TMEM151B: variants seen among roughly 807,000 people sequenced by gnomAD.
The protein encoded by TMEM151B is transmembrane protein 151B, also known as transmembrane protein 193.
Under a neutral mutation model 33.0 loss-of-function variants are expected in TMEM151B, and 18 were observed. The ratio of observed to expected loss-of-function variants is 0.55; its 90% CI spans 0.38 to 0.81. TMEM151B has a LOEUF of 0.81. Ranked by LOEUF, TMEM151B falls within the 30% of genes least tolerant of loss-of-function variation. The pLI is 0.00. For missense variants in TMEM151B, 672 were observed against 843.4 expected, an observed-to-expected ratio of 0.80 and a Z score of 2.52; for synonymous variants, 354 against 373.6, an observed-to-expected ratio of 0.95 and a Z score of 0.61.
chr6:44,276,218 TG>T lies in TMEM151B; in HGVS notation c.1397del (p.Gly466AlafsTer97). The T allele has an allele frequency of 1.6e-6, 2 of 1,288,732 alleles. No individual in the cohort carries two copies. Among genetic ancestry groups the T allele is most frequent in the Non-Finnish European group, 2.0e-6 (2 of 1,021,906 alleles). 79.8% of individuals were successfully genotyped at this position (1,288,732 alleles called of 1,614,324 possible). A position where few individuals can be genotyped will look rare whatever the true frequency, so the allele number is the denominator to read the frequency against. On this transcript the variant is annotated frameshift_variant, in exon 3 of 3. Coordinates refer to ENST00000451188, the MANE Select transcript of TMEM151B (RefSeq NM_001137560.2). LOFTEE classifies it low-confidence loss of function (END_TRUNC). ...ASPRAGPGPG[G>X]GAGCGGSRFS... ...GCCCGCGGGCCGGCCCGGGGCCCGG[TG>T]GGGGCGCGGGCTGCGGGGGCAGCCG...
In TMEM151B at chr6:44,270,828, C is replaced by T. The variant is rs1782297729; in HGVS notation, c.86C>T (p.Thr29Met). 3.6e-6 allele frequency: 4 copies of T among 1,118,400 alleles called. No individual in the cohort carries two copies. Among genetic ancestry groups the T allele is most frequent in the Admixed American group, 5.1e-5 (1 of 19,794 alleles). The allele number at this position is 1,118,400 out of a possible 1,614,324, so 69.3% of individuals were successfully genotyped here. A position where few individuals can be genotyped will look rare whatever the true frequency, so the allele number is the denominator to read the frequency against. ...GGGPGVSEEL[T>M]AAAAAAAADE... is the part of the protein sequence containing the mutation. ...GGCCCCGGGGTCTCGGAGGAGCTCA[C>T]GGCGGCGGCGGCAGCGGCGGCGGCG... The change falls in exon 1 of 3, where the codon ACG becomes ATG. Residue 29 changes from threonine to methionine, a missense_variant. Transcript: ENST00000451188.
intron 1 of TMEM151B, among the ~76,000 whole-genome samples, chr6:44,272,404 C>T (rs1017435644): frequency 2.0e-5 from 3 of 152,112 alleles, no homozygotes; most frequent in Non-Finnish European, 2.9e-5. Context: ...GGGTCCAGAA[C>T]ATGGGGAATG....
Position 44,275,987 on chromosome 6 carries a change from C to T in TMEM151B, c.1161C>T (p.Tyr387=). The part of the protein sequence containing the change: ...IRSNQQLVPS[Y]SEAVLMDLAG... ...CCAACCAGCAGCTGGTGCCCAGCTA[C>T]TCTGAGGCGGTGCTCATGGACCTGG... Residue 387 remains tyrosine (Y), a synonymous_variant, in exon 3 of 3, where the codon TAC becomes TAT. Coordinates refer to ENST00000451188, the MANE Select transcript of TMEM151B (RefSeq NM_001137560.2). 6.9e-7 allele frequency: 1 copy of T among 1,439,768 alleles called. No individual in the cohort carries two copies. Among genetic ancestry groups the T allele is most frequent in the Non-Finnish European group, 9.1e-7 (1 of 1,095,786 alleles). The allele number at this position is 1,439,768 out of a possible 1,614,324, so 89.2% of individuals were successfully genotyped here.
chr6:44,276,132 TG>T lies in TMEM151B; in HGVS notation c.1307del (p.Cys436SerfsTer16). ...TCCCTACCGGCGCAGCTGCGAGCACTGCCAGCGCGCCGTCAGCAGCTCGTCT... is the reference window on the plus strand; with the variant it reads ...TCCCTACCGGCGCAGCTGCGAGCACTCCAGCGCGCCGTCAGCAGCTCGTCT... ...VAPYRRSCEH[C>X]QRAVSSSSIF... On this transcript the variant is annotated frameshift_variant, in exon 3 of 3. Coordinates refer to ENST00000451188, the MANE Select transcript of TMEM151B (RefSeq NM_001137560.2). LOFTEE classifies it low-confidence loss of function (END_TRUNC). 7.6e-7 allele frequency: 1 copy of T among 1,317,384 alleles called. No homozygotes were observed. The highest frequency in any genetic ancestry group is 2.3e-5 in the South Asian group (1 of 43,670). The allele number at this position is 1,317,384 out of a possible 1,614,324, so 81.6% of individuals were successfully genotyped here.
chr6:44,273,031 C>T, intron 1 of TMEM151B, 35 bp from the exon 2 acceptor site: 1 of 1,462,916 alleles, frequency 6.8e-7, no homozygotes, highest in Non-Finnish European at 9.1e-7. Context: ...TCACTTCCCA[C>T]TCATCTTGGC....
chr6:44,275,679 G>T lies in TMEM151B; in HGVS notation c.853G>T (p.Val285Leu). 1 of 1,551,084 alleles carries T rather than the reference G, an allele frequency of 6.4e-7. No homozygotes were observed. The highest frequency in any genetic ancestry group is 8.7e-7 in the Non-Finnish European group (1 of 1,146,702). Residue 285 changes from valine to leucine, a missense_variant, in exon 3 of 3, where the codon GTG becomes TTG. Coordinates refer to ENST00000451188, the MANE Select transcript of TMEM151B (RefSeq NM_001137560.2). ...GAACGTGGACTTCCGTGAGTTCATG[G>T]TGGCCTTCCCGGACCCGGCCCGGCC... ...LKNVDFREFM[V>L]AFPDPARPPW...
chr6:44,276,598 C>G lies in TMEM151B; in HGVS notation c.*71C>G. 1 of 1,299,332 alleles carries G rather than the reference C, an allele frequency of 7.7e-7. No homozygotes were observed. The highest frequency in any genetic ancestry group is 2.2e-4 in the Middle Eastern group (1 of 4,468). 80.5% of individuals were successfully genotyped at this position (1,299,332 alleles called of 1,614,324 possible). A position where few individuals can be genotyped will look rare whatever the true frequency, so the allele number is the denominator to read the frequency against. On this transcript the variant is annotated 3_prime_UTR_variant, in exon 3 of 3. Transcript: ENST00000451188. ...GCCGGACTGTGCTCCCTCTGCGACGCAGGGCGAGTCACCACGGTGACTGAG... is the reference window on the plus strand; with the variant it reads ...GCCGGACTGTGCTCCCTCTGCGACGGAGGGCGAGTCACCACGGTGACTGAG...
rs1782445723 is a variant in TMEM151B, at chr6:44,273,478, G to A, written c.548G>A (p.Arg183His). ...VRRTRQVTRY[R>H]NGDAYTTTQV... ...CGCACCCGCCAGGTCACCAGATACC[G>A]CAATGGAGACGCCTATACCACCACC... The change falls in exon 2 of 3, where the codon CGC becomes CAC. Residue 183 changes from arginine to histidine, a missense_variant. This residue lies in a region of TMEM151B where 285 missense variants were observed against 423.1 expected (regional missense o/e 0.67). Transcript: ENST00000451188. The A allele has an allele frequency of 5.2e-6, 8 of 1,549,828 alleles. No individual in the cohort carries two copies. Among genetic ancestry groups the A allele is most frequent in the Non-Finnish European group, 6.1e-6 (7 of 1,146,110 alleles).
chr6:44,277,156 C>T lies in TMEM151B; in HGVS notation c.*629C>T, dbSNP rs1782625499. ...AGATTGGGGTTTCCTTTCTGCCGCT[C>T]CCTCCACTGTTGTTTATCTAACTGG... On this transcript the variant is annotated 3_prime_UTR_variant, in exon 3 of 3. Coordinates refer to ENST00000451188, the MANE Select transcript of TMEM151B (RefSeq NM_001137560.2). 1 of 152,506 alleles carries T rather than the reference C, an allele frequency of 6.6e-6. No individual in the cohort carries two copies. The highest frequency in any genetic ancestry group is 1.5e-5 in the Non-Finnish European group (1 of 68,256). The allele number at this position is 152,506 out of a possible 1,614,324, so 9.4% of individuals were successfully genotyped here.
chr6:44,276,261 C>T lies in TMEM151B; in HGVS notation c.1435C>T (p.Leu479Phe). Reference sequence around the variant, plus strand: ...GGGCAGCCGCTTCTCGCTGGGCCGTCTCTACGGCTCCCGGCGCAGCTGCCT... The same window carrying T: ...GGGCAGCCGCTTCTCGCTGGGCCGTTTCTACGGCTCCCGGCGCAGCTGCCT... ...CGGSRFSLGRLYGSRRSCLWR... is the reference protein window; with the variant it reads ...CGGSRFSLGRFYGSRRSCLWR... Residue 479 changes from leucine to phenylalanine, a missense_variant, in exon 3 of 3, where the codon CTC becomes TTC. Coordinates refer to ENST00000451188, the MANE Select transcript of TMEM151B (RefSeq NM_001137560.2). The T allele has an allele frequency of 7.5e-7, 1 of 1,333,704 alleles. No individual in the cohort carries two copies. Among genetic ancestry groups the T allele is most frequent in the Non-Finnish European group, 9.6e-7 (1 of 1,045,438 alleles). The allele number at this position is 1,333,704 out of a possible 1,614,324, so 82.6% of individuals were successfully genotyped here.
chr6:44,273,128 C>T lies in TMEM151B; in HGVS notation c.198C>T (p.Leu66=). Residue 66 remains leucine, a synonymous_variant, in exon 2 of 3, where the codon CTC becomes CTT. Coordinates refer to ENST00000451188, the MANE Select transcript of TMEM151B (RefSeq NM_001137560.2). ...SLCRESHWKC[L]LLSLLMYGCL... ...GCCGTGAGTCCCACTGGAAGTGCCT[C>T]CTGCTCTCGCTGCTCATGTACGGCT... 2 of 1,531,002 alleles carry T rather than the reference C, an allele frequency of 1.3e-6. No homozygotes were observed. Among genetic ancestry groups the T allele is most frequent in the Middle Eastern group, 1.7e-4 (1 of 5,930 alleles). The allele number at this position is 1,531,002 out of a possible 1,614,324, so 94.8% of individuals were successfully genotyped here.
At position 44,278,670 on chromosome 6, in the gene TMEM151B, T is replaced by C. The variant is rs1782686143; in HGVS notation, c.*2143T>C. The C allele has an allele frequency of 6.6e-6, 1 of 152,212 alleles. No homozygotes were observed. The highest frequency in any genetic ancestry group is 1.5e-5 in the Non-Finnish European group (1 of 68,038). The allele number at this position is 152,212 out of a possible 1,614,324, so 9.4% of individuals were successfully genotyped here. A position where few individuals can be genotyped will look rare whatever the true frequency, so the allele number is the denominator to read the frequency against. On this transcript the variant is annotated 3_prime_UTR_variant, in exon 3 of 3. Coordinates refer to ENST00000451188, the MANE Select transcript of TMEM151B (RefSeq NM_001137560.2). ...TATTTTTGCCTGTATTGACCATTTC[T>C]GCCTAGGTCGTCTCAGACAGCCTCA...
Position 44,276,287 on chromosome 6 carries a change from G to T in TMEM151B, c.1461G>T (p.Leu487=), listed in dbSNP as rs1428075436. 7.1e-7 allele frequency: 1 copy of T among 1,403,458 alleles called. No individual in the cohort carries two copies. The highest frequency in any genetic ancestry group is 1.5e-5 in the African/African-American group (1 of 66,944). 86.9% of individuals were successfully genotyped at this position (1,403,458 alleles called of 1,614,324 possible). ...GRLYGSRRSC[L]WRSRSGSVNE... ...TCTACGGCTCCCGGCGCAGCTGCCT[G>T]TGGCGCAGCCGCAGCGGGAGCGTCA... The change falls in exon 3 of 3, where the codon CTG becomes CTT. Residue 487 remains leucine, a synonymous_variant. Coordinates refer to ENST00000451188, the MANE Select transcript of TMEM151B (RefSeq NM_001137560.2).
chr6:44,275,495 G>A lies in TMEM151B; in HGVS notation c.669G>A (p.Gly223=). The A allele has an allele frequency of 1.9e-6, 3 of 1,549,636 alleles. No homozygotes were observed. Among genetic ancestry groups the A allele is most frequent in the Non-Finnish European group, 2.6e-6 (3 of 1,146,272 alleles). ...GCGACGTGTCCAAGACGCTGGTGGG[G>A]CTGGAGGGCGCGCCGGCCACGCGGC... ...GVRDVSKTLV[G]LEGAPATRLR... Residue 223 remains glycine, a synonymous_variant, in exon 3 of 3, where the codon GGG becomes GGA. Coordinates refer to ENST00000451188, the MANE Select transcript of TMEM151B (RefSeq NM_001137560.2).
At position 44,276,027 on chromosome 6, in the gene TMEM151B, C is replaced by G; in HGVS notation, c.1201C>G (p.Arg401Gly). The G allele has an allele frequency of 7.4e-7, 1 of 1,351,690 alleles. No homozygotes were observed. The highest frequency in any genetic ancestry group is 3.8e-5 in the Admixed American group (1 of 26,048). The allele number at this position is 1,351,690 out of a possible 1,614,324, so 83.7% of individuals were successfully genotyped here. A position where few individuals can be genotyped will look rare whatever the true frequency, so the allele number is the denominator to read the frequency against. Residue 401 changes from arginine (R) to glycine (G), a missense_variant, in exon 3 of 3, where the codon CGC (arginine) becomes GGC (glycine). By Grantham distance (125) the Arg-to-Gly change is moderately radical (BLOSUM62 -2). Around this residue, in one of 3 missense-constraint regions of TMEM151B, gnomAD observed 324 missense variants for 363.1 expected, o/e 0.89. Transcript: ENST00000451188. ...CATGGACCTGGCGGGGCTCGGGACGCGCTGCGGCGGGGCAGGCGGCGGCTA... is the reference window on the plus strand; with the variant it reads ...CATGGACCTGGCGGGGCTCGGGACGGGCTGCGGCGGGGCAGGCGGCGGCTA... ...VLMDLAGLGT[R>G]CGGAGGGYAP...
At position 44,276,143 on chromosome 6, in the gene TMEM151B, C is replaced by A. The variant is rs1192176408; in HGVS notation, c.1317C>A (p.Ala439=). The change falls in exon 3 of 3, where the codon GCC becomes GCA. Residue 439 remains alanine, a synonymous_variant. Coordinates refer to ENST00000451188, the MANE Select transcript of TMEM151B (RefSeq NM_001137560.2). ...GCAGCTGCGAGCACTGCCAGCGCGCCGTCAGCAGCTCGTCTATCTTCTCGC... is the reference window on the plus strand; with the variant it reads ...GCAGCTGCGAGCACTGCCAGCGCGCAGTCAGCAGCTCGTCTATCTTCTCGC... ...YRRSCEHCQR[A]VSSSSIFSRS... 1.5e-6 allele frequency: 2 copies of A among 1,315,554 alleles called. No homozygotes were observed. The highest frequency in any genetic ancestry group is 1.9e-6 in the Non-Finnish European group (2 of 1,040,946). 81.5% of individuals were successfully genotyped at this position (1,315,554 alleles called of 1,614,324 possible). A position where few individuals can be genotyped will look rare whatever the true frequency, so the allele number is the denominator to read the frequency against.
chr6:44,275,323 G>A, intron 2 of TMEM151B, 80 bp from the exon 3 acceptor site: 11 of 1,440,218 alleles, frequency 7.6e-6, no homozygotes, highest in Non-Finnish European at 9.1e-6. Context: ...GCACAGATGG[G>A]GCGGGAAAGG....
At chr6:44,272,919 C>T (rs994370274) in intron 1 of TMEM151B, 147 bp from the exon 2 acceptor site, 3 of 728,888 alleles carry the variant, frequency 4.1e-6, no homozygotes, top group African/African-American at 3.6e-5. Flanking sequence ...CTTGGTCTCA[C>T]CTTTTCTCTC....
At chr6:44,274,569 G>C (rs114454244) in intron 2 of TMEM151B, among the ~76,000 whole-genome samples, 3,642 of 152,342 alleles carry the variant, frequency 0.024, 142 homozygotes, top group African/African-American at 0.082. Context: ...CCTGGGGCGG[G>C]TGAGAAGCAG....
Sources: allele counts gnomAD v4.1 joint callset (sites outside exome capture counted in the v4.1 genomes callset), GRCh38; gene constraint gnomAD v4.1.1; regional missense constraint gnomAD v4.1.1; transcripts MANE v1.5; gene names NCBI Gene and HGNC (gene_info 2026-07-23, HGNC 2026-07-21).